The following ERBB4 variants were observed in gnomAD, a reference collection of about 807,000 sequenced individuals.
ERBB4 encodes the protein erb-b2 receptor tyrosine kinase 4, also known as receptor tyrosine-protein kinase erbB-4.
A neutral mutation model predicts 158.0 loss-of-function variants in ERBB4; 42 were observed. The ratio of observed to expected loss-of-function variants is 0.27; its 90% CI spans 0.21 to 0.34. The LOEUF (loss-of-function observed/expected upper bound fraction) is 0.34, where lower values mean the gene tolerates loss of function less well. Ranked by LOEUF, ERBB4 falls within the 10% of genes least tolerant of loss-of-function variation. The pLI is 1.00. For synonymous variants in ERBB4, 583 were observed against 558.7 expected, an observed-to-expected ratio of 1.04 and a Z score of -0.61; for missense variants, 1,333 against 1,624.1, an observed-to-expected ratio of 0.82 and a Z score of 3.08.
intron 25 of ERBB4, among the ~76,000 whole-genome samples, chr2:211,405,194 G>A (rs1057194249): frequency 3.3e-5 from 5 of 152,058 alleles, no homozygotes; most frequent in African/African-American, 1.2e-4. Context: ...CTCAGATTCC[G>A]TGATATGCTA....
intron 13 of ERBB4, among the ~76,000 whole-genome samples, chr2:211,674,881 G>T (rs925224757): frequency 6.6e-6 from 1 of 152,022 alleles, no homozygotes; most frequent in African/African-American, 2.4e-5. Context: ...TAGAACAAAG[G>T]TCACGTTTTT....
chr2:212,529,202 A>G (rs1306828138), intron 1 of ERBB4, among the ~76,000 whole-genome samples: 1 of 152,182 alleles, frequency 6.6e-6, no homozygotes, highest in Admixed American at 6.5e-5. Flanking sequence ...GGATCAGTAC[A>G]TGCTTATTGC....
chr2:211,643,479 T>A (rs1484044414), intron 16 of ERBB4, among the ~76,000 whole-genome samples: 1 of 152,108 alleles, frequency 6.6e-6, no homozygotes, highest in South Asian at 2.1e-4. Context: ...TTTTTTTACT[T>A]GTAGGCAAGG....
At chr2:212,485,049 G>T (rs1331723904) in intron 1 of ERBB4, among the ~76,000 whole-genome samples, 1 of 152,136 alleles carries the variant, frequency 6.6e-6, no homozygotes, top group Non-Finnish European at 1.5e-5. Flanking sequence ...ATCCTAGAGG[G>T]AACAGGAAAG....
intron 1 of ERBB4, among the ~76,000 whole-genome samples, chr2:212,196,974 T>A (rs530805690): frequency 1.3e-5 from 2 of 152,276 alleles, no homozygotes; most frequent in East Asian, 3.9e-4. Flanking sequence ...GAAACCAGCC[T>A]AATTCTCCCA....
At chr2:211,887,216 T>G (rs189171206) in intron 3 of ERBB4, among the ~76,000 whole-genome samples, 34 of 149,844 alleles carry the variant, frequency 2.3e-4, no homozygotes, top group Admixed American at 6.7e-4. Context: ...CATCCTGAAT[T>G]AGAATTAGTG....
intron 1 of ERBB4, among the ~76,000 whole-genome samples, chr2:212,408,419 T>A (rs1217313793): frequency 6.6e-6 from 1 of 152,156 alleles, no homozygotes; most frequent in Non-Finnish European, 1.5e-5. Flanking sequence ...AAATTCAACA[T>A]TTGTAATACA....
intron 19 of ERBB4, among the ~76,000 whole-genome samples, chr2:211,595,221 AAAC>A (rs2125801246): frequency 6.6e-6 from 1 of 152,356 alleles, no homozygotes; most frequent in African/African-American, 2.4e-5. Flanking sequence ...CCTAGAAAGC[AAAC>A]AACTTGGAGA....
intron 2 of ERBB4, among the ~76,000 whole-genome samples, chr2:212,091,367 G>A (rs2125493417): frequency 1.3e-5 from 2 of 152,178 alleles, no homozygotes; most frequent in East Asian, 3.9e-4. Context: ...TACCAGGCAG[G>A]TAAACTAAAA....
intron 1 of ERBB4, 57 bp from the exon 2 acceptor site, chr2:212,124,960 T>G: frequency 1.9e-6 from 3 of 1,567,938 alleles, no homozygotes; most frequent in Non-Finnish European, 2.6e-6. Flanking sequence ...ATATGCGCAA[T>G]GATAATATCT....
intron 1 of ERBB4, among the ~76,000 whole-genome samples, chr2:212,219,772 G>T (rs755303610): frequency 6.0e-5 from 9 of 151,156 alleles, no homozygotes; most frequent in Non-Finnish European, 1.2e-4. Context: ...TAAATTGTGT[G>T]CATGGCCAAA....
chr2:211,529,238 A>C (rs1328166336), intron 20 of ERBB4, among the ~76,000 whole-genome samples: 1 of 151,988 alleles, frequency 6.6e-6, no homozygotes, highest in East Asian at 1.9e-4. Context: ...AATATGCCAA[A>C]AAATTGGAAA....
At chr2:212,451,992 G>A (rs1193344504) in intron 1 of ERBB4, among the ~76,000 whole-genome samples, 3 of 151,478 alleles carry the variant, frequency 2.0e-5, no homozygotes, top group Admixed American at 6.6e-5. Context: ...TACATTGCAT[G>A]GCTTGTGAGT....
intron 1 of ERBB4, among the ~76,000 whole-genome samples, chr2:212,405,275 A>C (rs2091313878): frequency 6.6e-6 from 1 of 152,144 alleles, no homozygotes; most frequent in African/African-American, 2.4e-5. Context: ...ATGCAAATCA[A>C]ACCACAATGA....
intron 4 of ERBB4, among the ~76,000 whole-genome samples, chr2:211,782,843 C>T (rs920175958): frequency 6.6e-6 from 1 of 152,142 alleles, no homozygotes; most frequent in Non-Finnish European, 1.5e-5. Context: ...TTAGGATTGA[C>T]TTGGCGATAC....
chr2:212,001,238 G>A (rs1263424345), intron 2 of ERBB4, among the ~76,000 whole-genome samples: 2 of 152,040 alleles, frequency 1.3e-5, no homozygotes, highest in East Asian at 1.9e-4. Flanking sequence ...TATGGGCAGT[G>A]GTTGCTGAAG....
chr2:212,319,256 T>C (rs185640605), intron 1 of ERBB4, among the ~76,000 whole-genome samples: 1 of 150,954 alleles, frequency 6.6e-6, no homozygotes, highest in Non-Finnish European at 1.5e-5. Flanking sequence ...TTCAAATGTT[T>C]GATAGTAAGG....
At chr2:212,507,316 T>C (rs979775934) in intron 1 of ERBB4, among the ~76,000 whole-genome samples, 1 of 152,070 alleles carries the variant, frequency 6.6e-6, no homozygotes, top group Non-Finnish European at 1.5e-5. Flanking sequence ...GCTGTTTTCA[T>C]GCCTGGTAAT....
intron 1 of ERBB4, among the ~76,000 whole-genome samples, chr2:212,396,231 A>C (rs1218516330): frequency 6.6e-6 from 1 of 152,142 alleles, no homozygotes; most frequent in East Asian, 1.9e-4. Context: ...TCTGGGACAA[A>C]GGTATATTTT....
Sources: allele counts gnomAD v4.1 joint callset (sites outside exome capture counted in the v4.1 genomes callset), GRCh38; gene constraint gnomAD v4.1.1; transcripts MANE v1.5; gene names NCBI Gene and HGNC (gene_info 2026-07-23, HGNC 2026-07-21).